The following PLCL1 variants were observed in gnomAD, a reference collection of about 807,000 sequenced individuals.
PLCL1 encodes the protein phospholipase C like 1 (inactive).
In PLCL1, 41 loss-of-function variants were observed where a neutral mutation model predicts 84.4. That is an observed-to-expected ratio of 0.49 (90% CI 0.38 to 0.63). PLCL1 has a LOEUF of 0.63. Ranked by LOEUF, PLCL1 falls within the 30% of genes least tolerant of loss-of-function variation. The pLI is 0.00. For missense variants in PLCL1, 1,206 were observed against 1,367.8 expected (o/e 0.88, Z 1.87); for synonymous variants, 490 against 488.3 (o/e 1.00, Z -0.05).
At position 198,096,515 on chromosome 2, in the gene PLCL1, T is replaced by G. The variant is rs190713645; in HGVS notation, c.2920-4770T>G. Among the ~76,000 whole-genome samples, 20 of 152,288 alleles carry G rather than the reference T, an allele frequency of 1.3e-4. No homozygotes were observed. The East Asian group carries it at 2.9e-3, about 22-fold the overall frequency. ...TAAGTTGTTATGAAAAATATTTGGG[T>G]AATATCTTAAATATATCATTCTGAA... On this transcript the variant is annotated intron_variant, in intron 3 of 5. Transcript: ENST00000428675.
At chr2:198,004,033 A>T (rs1441644082) in intron 1 of PLCL1, among the ~76,000 whole-genome samples, 1 of 152,238 alleles carries the variant, frequency 6.6e-6, no homozygotes, top group East Asian at 1.9e-4. Flanking sequence ...TATTCAACTT[A>T]TAGGGTAATT....
intron 1 of PLCL1, among the ~76,000 whole-genome samples, chr2:197,847,418 G>C (rs1414677934): frequency 6.6e-6 from 1 of 152,286 alleles, no homozygotes; most frequent in East Asian, 1.9e-4. Context: ...TACAATAGAT[G>C]TTTTTATTTT....
intron 1 of PLCL1, among the ~76,000 whole-genome samples, chr2:197,988,316 TA>T (rs1690261217): frequency 6.6e-6 from 1 of 152,236 alleles, no homozygotes. Context: ...TCTGAGATTT[TA>T]GTGTACCTAT....
intron 5 of PLCL1, among the ~76,000 whole-genome samples, chr2:198,142,682 C>T (rs959733984): frequency 6.6e-6 from 1 of 152,102 alleles, no homozygotes; most frequent in African/African-American, 2.4e-5. Context: ...ACTGTGGAGG[C>T]TAAATGGTGG....
At chr2:197,815,267 G>A (rs748866597) in intron 1 of PLCL1, among the ~76,000 whole-genome samples, 10 of 152,210 alleles carry the variant, frequency 6.6e-5, no homozygotes, top group Admixed American at 2.6e-4. Flanking sequence ...TATGAATTAT[G>A]CCAAATCTAC....
At chr2:197,996,125 G>A (rs1690460725) in intron 1 of PLCL1, among the ~76,000 whole-genome samples, 1 of 152,098 alleles carries the variant, frequency 6.6e-6, no homozygotes, top group South Asian at 2.1e-4. Context: ...AGAGGGAAAG[G>A]GAAAGGAGGG....
chr2:197,946,263 A>G (rs1266463498), intron 1 of PLCL1, among the ~76,000 whole-genome samples: 3 of 152,190 alleles, frequency 2.0e-5, no homozygotes, highest in Admixed American at 6.5e-5. Context: ...AGATTGACAT[A>G]TTTGACTAAA....
intron 3 of PLCL1, among the ~76,000 whole-genome samples, chr2:198,090,284 A>G (rs1387033817): frequency 6.6e-6 from 1 of 152,274 alleles, no homozygotes; most frequent in African/African-American, 2.4e-5. Context: ...GGGAGATAGG[A>G]TTTAAATTAC....
chr2:198,061,909 T>C (rs1692213460), intron 1 of PLCL1, among the ~76,000 whole-genome samples: 1 of 152,184 alleles, frequency 6.6e-6, no homozygotes, highest in South Asian at 2.1e-4. Context: ...GCAAATGTAT[T>C]ATAAGGGTCA....
At chr2:198,013,197 C>T (rs1690911986) in intron 1 of PLCL1, among the ~76,000 whole-genome samples, 2 of 152,036 alleles carry the variant, frequency 1.3e-5, no homozygotes, top group Admixed American at 1.3e-4. Context: ...AGATTTCTCT[C>T]AGGGGCATTG....
At chr2:198,087,568 C>T (rs745915550) in intron 2 of PLCL1, among the ~76,000 whole-genome samples, 3 of 152,030 alleles carry the variant, frequency 2.0e-5, no homozygotes, top group Non-Finnish European at 2.9e-5. Context: ...CTAAGTATTG[C>T]AAGTTAACAG....
At chr2:197,936,364 T>C (rs1689055772) in intron 1 of PLCL1, among the ~76,000 whole-genome samples, 1 of 152,208 alleles carries the variant, frequency 6.6e-6, no homozygotes, top group African/African-American at 2.4e-5. Context: ...GCTATATTAA[T>C]TTATATTTCC....
At chr2:197,916,884 A>T (rs1688610313) in intron 1 of PLCL1, among the ~76,000 whole-genome samples, 1 of 152,210 alleles carries the variant, frequency 6.6e-6, no homozygotes, top group South Asian at 2.1e-4. Flanking sequence ...GGGAATTGCA[A>T]ATTAGACAAG....
chr2:197,997,752 T>C (rs759087570), intron 1 of PLCL1, among the ~76,000 whole-genome samples: 8 of 151,856 alleles, frequency 5.3e-5, no homozygotes, highest in Non-Finnish European at 1.2e-4. Flanking sequence ...ACCCTTGGAG[T>C]GGAGCCTTTA....
At chr2:198,132,833 T>A (rs1162483923) in intron 5 of PLCL1, among the ~76,000 whole-genome samples, 2 of 152,002 alleles carry the variant, frequency 1.3e-5, no homozygotes, top group African/African-American at 4.8e-5. Context: ...TTTAGTTTAA[T>A]TAGACCCCAT....
intron 1 of PLCL1, among the ~76,000 whole-genome samples, chr2:198,046,577 C>G (rs182382797): frequency 6.6e-6 from 1 of 152,174 alleles, no homozygotes; most frequent in Non-Finnish European, 1.5e-5. Context: ...GTGGCTCATA[C>G]CTGTAATCCC....
At chr2:197,875,911 G>A (rs906783047) in intron 1 of PLCL1, among the ~76,000 whole-genome samples, 3 of 152,160 alleles carry the variant, frequency 2.0e-5, no homozygotes, top group Admixed American at 6.6e-5. Flanking sequence ...CACAGGGAGA[G>A]TAAATGTTTG....
At chr2:198,100,178 T>C (rs900089139) in intron 3 of PLCL1, among the ~76,000 whole-genome samples, 8 of 152,122 alleles carry the variant, frequency 5.3e-5, no homozygotes, top group Non-Finnish European at 1.2e-4. Context: ...AAAGTGATTA[T>C]GTAAATGGAT....
At chr2:198,094,182 C>T (rs1693130675) in intron 3 of PLCL1, among the ~76,000 whole-genome samples, 1 of 152,116 alleles carries the variant, frequency 6.6e-6, no homozygotes, top group African/African-American at 2.4e-5. Context: ...CTGCCTCCGC[C>T]TCCCCAGTAG....
Sources: gnomAD v4.1 joint callset for allele counts (sites outside exome capture counted in the v4.1 genomes callset) on GRCh38, gnomAD v4.1.1 for gene constraint, MANE v1.5 for transcripts, NCBI Gene and HGNC (gene_info 2026-07-23, HGNC 2026-07-21) for gene names.